LDHAL6A: variants seen among roughly 807,000 people sequenced by gnomAD.
The protein encoded by LDHAL6A is L-lactate dehydrogenase A-like 6A.
In LDHAL6A, 19 loss-of-function variants were observed where a neutral mutation model predicts 28.2. The ratio of observed to expected loss-of-function variants is 0.67; its 90% CI spans 0.47 to 0.99. The LOEUF (loss-of-function observed/expected upper bound fraction) is 0.99, where lower values mean the gene tolerates loss of function less well. LDHAL6A is among the 50% of genes least tolerant of loss of function. The pLI is 0.00. For synonymous variants in LDHAL6A, 144 were observed against 134.4 expected, an observed-to-expected ratio of 1.07 and a Z score of -0.49; for missense variants, 372 against 398.6, an observed-to-expected ratio of 0.93 and a Z score of 0.57.
intron 5 of LDHAL6A, 47 bp from the exon 6 acceptor site, chr11:18,477,573 A>G (rs1423286371): frequency 1.8e-5 from 28 of 1,536,956 alleles, no homozygotes; most frequent in Non-Finnish European, 2.4e-5. Flanking sequence ...TGGAAGTTCA[A>G]TGACAAGTGC....
chr11:18,474,313 G>A (rs12223887), intron 3 of LDHAL6A, among the ~76,000 whole-genome samples: 25,212 of 151,540 alleles, frequency 0.17, 2,680 homozygotes, highest in East Asian at 0.42. Flanking sequence ...TCCTGACCTC[G>A]TGATCCACCC....
chr11:18,456,494 C>A lies in LDHAL6A; in HGVS notation c.-187C>A. 1.7e-6 allele frequency: 1 copy of A among 577,652 alleles called. No individual in the cohort carries two copies. Among genetic ancestry groups the A allele is most frequent in the Admixed American group, 3.2e-5 (1 of 31,376 alleles). The allele number at this position is 577,652 out of a possible 1,614,324, so 35.8% of individuals were successfully genotyped here. On this transcript the variant is annotated 5_prime_UTR_variant, in exon 1 of 7. Transcript: ENST00000280706. ...CTTCATGGATGCTGAGCTGCCTGGC[C>A]AGAACCTACCCAGCTTCTTTGCTGG...
Position 18,478,991 on chromosome 11 carries a change from AT to A in LDHAL6A, c.*124del. 1.2e-6 allele frequency: 1 copy of A among 829,672 alleles called. No individual in the cohort carries two copies. Among genetic ancestry groups the A allele is most frequent in the Non-Finnish European group, 1.9e-6 (1 of 533,768 alleles). 51.4% of individuals were successfully genotyped at this position (829,672 alleles called of 1,614,324 possible). ...GGAAAAATAGAGGAAAGAGTGACCT[AT>A]TTAGTATAGCCTTCCAGCTTTTTTT... is the stretch of plus-strand genomic sequence containing the variant. On this transcript the variant is annotated 3_prime_UTR_variant, in exon 7 of 7. Coordinates refer to ENST00000280706, the MANE Select transcript of LDHAL6A (RefSeq NM_144972.5).
chr11:18,460,610 A>T (rs1848873190), intron 1 of LDHAL6A, among the ~76,000 whole-genome samples: 1 of 151,392 alleles, frequency 6.6e-6, no homozygotes, highest in South Asian at 2.1e-4. Context: ...AAAAAAAAAA[A>T]AATGCCAGGT....
At position 18,466,893 on chromosome 11, in the gene LDHAL6A, TTA is replaced by T. The variant is rs147787977; in HGVS notation, c.418+1085_418+1086del. 3.5e-3 allele frequency among the ~76,000 whole-genome samples: 528 copies of T among 152,232 alleles called. 3 individuals carry two copies. Among genetic ancestry groups the T allele is most frequent in the African/African-American group, 0.012 (496 of 41,538 alleles). ...TAAAATGTGCAGGACTGCTGATAGA[TTA>T]TGTCTAGTGAGAGAAAGGGAGGAAT... On this transcript the variant is annotated intron_variant, in intron 3 of 6. Coordinates refer to ENST00000280706, the MANE Select transcript of LDHAL6A (RefSeq NM_144972.5).
chr11:18,461,561 G>C (rs1848904237), intron 1 of LDHAL6A, among the ~76,000 whole-genome samples: 1 of 151,982 alleles, frequency 6.6e-6, no homozygotes, highest in Non-Finnish European at 1.5e-5. Flanking sequence ...TACAAGATTT[G>C]AAAGTAAGGC....
At chr11:18,467,884 TA>T (rs1348201246) in intron 3 of LDHAL6A, among the ~76,000 whole-genome samples, 1 of 40,544 alleles carries the variant, frequency 2.5e-5, no homozygotes, top group Non-Finnish European at 3.8e-5. Flanking sequence ...TACACACATA[TA>T]TATATATATA....
intron 2 of LDHAL6A, among the ~76,000 whole-genome samples, chr11:18,464,987 G>GTTTTTTTTTTTTTTTTTTTTTTTT (rs1449560278): frequency 1.9e-5 from 2 of 104,352 alleles, no homozygotes; most frequent in Non-Finnish European, 4.0e-5. Flanking sequence ...GTTTTTTTTT[G>GTTTTTTTTTTTTTTTTTTTTTTTT]TTTTGTTTTG....
intron 3 of LDHAL6A, among the ~76,000 whole-genome samples, chr11:18,466,622 C>G (rs1048647156): frequency 6.8e-6 from 1 of 146,282 alleles, no homozygotes; most frequent in Non-Finnish European, 1.5e-5. Flanking sequence ...CCACTGCACT[C>G]CAGCCTGGGT....
intron 5 of LDHAL6A, among the ~76,000 whole-genome samples, 152 bp from the exon 6 acceptor site, chr11:18,477,466 AAG>A (rs1445511889): frequency 2.0e-5 from 3 of 146,854 alleles, no homozygotes; most frequent in Non-Finnish European, 3.1e-5. Context: ...AAAAAAAAAG[AAG>A]AAAGAAAAAA....
In LDHAL6A at chr11:18,478,927, T is replaced by C; in HGVS notation, c.*57T>C. 1 of 1,376,140 alleles carries C rather than the reference T, an allele frequency of 7.3e-7. No homozygotes were observed. Among genetic ancestry groups the C allele is most frequent in the South Asian group, 1.3e-5 (1 of 77,332 alleles). The allele number at this position is 1,376,140 out of a possible 1,614,324, so 85.2% of individuals were successfully genotyped here. On this transcript the variant is annotated 3_prime_UTR_variant, in exon 7 of 7. Transcript: ENST00000280706. ...ATGAAATAGTAGTTATGGAATTGTA[T>C]ATGTCAAACTTTTGAATAAATTTGA...
chr11:18,464,992 G>GTTTTTTTTTTTTTTTTTTTTTT (rs1212053975), intron 2 of LDHAL6A, among the ~76,000 whole-genome samples: 1 of 119,822 alleles, frequency 8.3e-6, no homozygotes, highest in African/African-American at 3.5e-5. Flanking sequence ...TTTTTGTTTT[G>GTTTTTTTTTTTTTTTTTTTTTT]TTTTGTTTTG....
intron 2 of LDHAL6A, among the ~76,000 whole-genome samples, 191 bp from the exon 3 acceptor site, chr11:18,465,446 T>G: frequency 6.7e-6 from 1 of 148,646 alleles, no homozygotes; most frequent in Non-Finnish European, 1.5e-5. Flanking sequence ...TTTTTTTTAT[T>G]ATTAAAAAAA....
rs1848763533 is a variant in LDHAL6A at position 18,456,671 on chromosome 11, G to C, written c.-10G>C. On this transcript the variant is annotated 5_prime_UTR_variant, in exon 1 of 7. The change abolishes the stop of an existing upstream ORF in the 5' untranslated region. Transcript: ENST00000280706. ...GCTGTGCAATTTGTCTTCACTGTTA[G>C]GTTTCCAAGATGGCAACTATCAAGA... 6.2e-7 allele frequency: 1 copy of C among 1,613,176 alleles called. No individual in the cohort carries two copies. The highest frequency in any genetic ancestry group is 8.5e-7 in the Non-Finnish European group (1 of 1,179,742).
intron 3 of LDHAL6A, chr11:18,469,126 G>T (rs909588262): frequency 2.3e-5 from 12 of 521,816 alleles, no homozygotes; most frequent in Non-Finnish European, 4.1e-5. Context: ...TTTGAAAGGA[G>T]AGCTGTGGAG....
At chr11:18,464,977 G>GTTTTTTTTGTTTTTTTTTTT (rs1849016188) in intron 2 of LDHAL6A, among the ~76,000 whole-genome samples, 7 of 125,486 alleles carry the variant, frequency 5.6e-5, no homozygotes, top group African/African-American at 1.3e-4. Context: ...TGTTTTTTTT[G>GTTTTTTTTGTTTTTTTTTTT]TTTTTTTTTG....
chr11:18,458,375 C>G (rs977914170), intron 1 of LDHAL6A, among the ~76,000 whole-genome samples: 1 of 152,184 alleles, frequency 6.6e-6, no homozygotes, highest in Admixed American at 6.5e-5. Context: ...GCTTAAAATG[C>G]CACCTGTAGC....
chr11:18,475,541 T>C lies in LDHAL6A; in HGVS notation c.494T>C (p.Leu165Pro). ...KNRVIGSGCN[L>P]DSARFRYFIG... ...CGTGTTATTGGAAGTGGTTGTAATCTGGACTCTGCTCGTTTTCGTTACTTT... is the reference window on the plus strand; with the variant it reads ...CGTGTTATTGGAAGTGGTTGTAATCCGGACTCTGCTCGTTTTCGTTACTTT... The change falls in exon 4 of 7, where the codon CTG becomes CCG. Residue 165 changes from leucine (L) to proline (P), a missense_variant. Leu to Pro is a moderately conservative substitution (Grantham distance 98, BLOSUM62 -3). Coordinates refer to ENST00000280706, the MANE Select transcript of LDHAL6A (RefSeq NM_144972.5). The C allele has an allele frequency of 6.2e-7, 1 of 1,614,126 alleles. No individual in the cohort carries two copies. Among genetic ancestry groups the C allele is most frequent in the Non-Finnish European group, 8.5e-7 (1 of 1,179,952 alleles).
At chr11:18,463,884 C>A in intron 1 of LDHAL6A, 77 bp from the exon 2 acceptor site, 1 of 853,628 alleles carries the variant, frequency 1.2e-6, no homozygotes. Context: ...CATAGATCAC[C>A]AATATAAGAA....
Sources: gnomAD v4.1 joint callset for allele counts (sites outside exome capture counted in the v4.1 genomes callset) on GRCh38, gnomAD v4.1.1 for gene constraint, MANE v1.5 for transcripts, NCBI Gene and HGNC (gene_info 2026-07-23, HGNC 2026-07-21) for gene names.